Variants in NFYC observed in about 807,000 individuals in gnomAD.
NFYC encodes CAAT box DNA-binding protein subunit C.
In NFYC, 25 loss-of-function variants were observed where a neutral mutation model predicts 53.1. That is an observed-to-expected ratio of 0.47 (90% CI 0.34 to 0.66). The LOEUF (loss-of-function observed/expected upper bound fraction) is 0.66, where lower values mean the gene tolerates loss of function less well. Ranked by LOEUF, NFYC falls within the 30% of genes least tolerant of loss-of-function variation. The pLI is 0.01. For synonymous variants in NFYC, 145 were observed against 152.6 expected (o/e 0.95, Z 0.37); for missense variants, 260 against 422.7 (o/e 0.62, Z 3.38).
intron 7 of NFYC, among the ~76,000 whole-genome samples, chr1:40,765,582 T>G (rs1327341828): frequency 6.6e-6 from 1 of 152,194 alleles, no homozygotes; most frequent in Non-Finnish European, 1.5e-5. Flanking sequence ...AGCTTCCCCT[T>G]GCAACAAAGG....
At chr1:40,692,068 C>T in intron 1 of NFYC, 1 of 201,658 alleles carries the variant, frequency 5.0e-6, no homozygotes, top group Non-Finnish European at 1.1e-5. Flanking sequence ...GGTCCGTGTG[C>T]CTCGTCGGCC....
At chr1:40,737,307 CT>C (rs1395233678) in intron 1 of NFYC, among the ~76,000 whole-genome samples, 1 of 149,594 alleles carries the variant, frequency 6.7e-6, no homozygotes, top group Non-Finnish European at 1.5e-5. Flanking sequence ...TTCTAGCCCT[CT>C]TTCTCTATCC....
chr1:40,735,194 T>C (rs1190590016), intron 1 of NFYC: 1 of 151,752 alleles, frequency 6.6e-6, no homozygotes, highest in Non-Finnish European at 1.5e-5. Context: ...TTTTTTTTTT[T>C]TTCAGTCCTG....
At chr1:40,710,015 T>C (rs762955027) in intron 1 of NFYC, among the ~76,000 whole-genome samples, 4 of 152,252 alleles carry the variant, frequency 2.6e-5, no homozygotes, top group East Asian at 1.9e-4. Context: ...TTTTCAGATA[T>C]GGAAGCAACA....
chr1:40,719,647 G>T (rs1440085025), intron 1 of NFYC, among the ~76,000 whole-genome samples: 2 of 152,146 alleles, frequency 1.3e-5, no homozygotes, highest in Non-Finnish European at 2.9e-5. Flanking sequence ...TTTTTTTGGA[G>T]TACTTTTTTC....
chr1:40,734,854 C>G (rs55816138), intron 1 of NFYC: 1 of 152,188 alleles, frequency 6.6e-6, no homozygotes, highest in Non-Finnish European at 1.5e-5. Context: ...AAACCTTTTT[C>G]TCTTTTTTCC....
intron 6 of NFYC, 190 bp downstream of exon 6, chr1:40,758,484 T>C: frequency 1.6e-6 from 1 of 615,964 alleles, no homozygotes; most frequent in South Asian, 2.5e-5. Flanking sequence ...CTGGACCCTG[T>C]TTTTCTCAAA....
chr1:40,713,903 T>G (rs530873136), intron 1 of NFYC, among the ~76,000 whole-genome samples: 1 of 152,344 alleles, frequency 6.6e-6, no homozygotes, highest in African/African-American at 2.4e-5. Context: ...AGTCTTTACC[T>G]GAAGTGTGTT....
rs1471173254 is a variant in NFYC, at chr1:40,753,380, T to C, written c.387+134T>C. 3 of 587,678 alleles carry C rather than the reference T, an allele frequency of 5.1e-6. No homozygotes were observed. The African/African-American group carries it at 5.5e-5, about 11-fold the overall frequency. 36.4% of individuals were successfully genotyped at this position (587,678 alleles called of 1,614,324 possible). A position where few individuals can be genotyped will look rare whatever the true frequency, so the allele number is the denominator to read the frequency against. The stretch of plus-strand genomic sequence containing the variant: ...TCTCGTTTCTAGACCAGATTCATTC[T>C]TAACATCTCCTTCTGTTACTCATTT... On this transcript the variant is annotated intron_variant, in intron 5 of 9. Transcript: ENST00000447388.
intron 1 of NFYC, among the ~76,000 whole-genome samples, chr1:40,737,749 T>G (rs1337969876): frequency 1.3e-5 from 2 of 152,156 alleles, no homozygotes; most frequent in Non-Finnish European, 2.9e-5. Flanking sequence ...GTAGTTTCAT[T>G]TCAGGGGCTT....
chr1:40,771,398 C>T lies in NFYC; in HGVS notation c.*570C>T, dbSNP rs1014065844. The T allele has an allele frequency of 4.3e-6, 2 of 470,214 alleles. No individual in the cohort carries two copies. Among genetic ancestry groups the T allele is most frequent in the Middle Eastern group, 3.2e-4 (1 of 3,096 alleles). The allele number at this position is 470,214 out of a possible 1,614,324, so 29.1% of individuals were successfully genotyped here. A position where few individuals can be genotyped will look rare whatever the true frequency, so the allele number is the denominator to read the frequency against. On this transcript the variant is annotated 3_prime_UTR_variant, in exon 10 of 10. Coordinates refer to ENST00000447388, the MANE Select transcript of NFYC (RefSeq NM_014223.5). ...TGCATCCAGAGGCCATGGAAACATT[C>T]TTTGCATTTAAGAGACAGATTTATT...
At chr1:40,734,958 A>G (rs1248908818) in intron 1 of NFYC, 1 of 152,198 alleles carries the variant, frequency 6.6e-6, no homozygotes, top group Non-Finnish European at 1.5e-5. Flanking sequence ...GAAAAATCAT[A>G]AAGGCCATAA....
chr1:40,721,015 A>C (rs1036166206), intron 1 of NFYC, among the ~76,000 whole-genome samples: 2 of 152,176 alleles, frequency 1.3e-5, no homozygotes, highest in African/African-American at 4.8e-5. Flanking sequence ...AAACGGGGGA[A>C]AAAATAGGAG....
intron 5 of NFYC, among the ~76,000 whole-genome samples, chr1:40,756,970 C>T (rs1646260180): frequency 1.3e-5 from 2 of 152,172 alleles, no homozygotes; most frequent in Non-Finnish European, 2.9e-5. Flanking sequence ...TTGAGGGCAC[C>T]TAACATAGTG....
At chr1:40,748,458 C>T (rs538969011) in intron 3 of NFYC, among the ~76,000 whole-genome samples, 4 of 152,160 alleles carry the variant, frequency 2.6e-5, no homozygotes, top group Non-Finnish European at 5.9e-5. Flanking sequence ...GTTCTGTTCA[C>T]AGTGTAGTAT....
At chr1:40,758,481 C>G (rs1646353285) in intron 6 of NFYC, 187 bp downstream of exon 6, 1 of 619,974 alleles carries the variant, frequency 1.6e-6, no homozygotes, top group African/African-American at 1.9e-5. Flanking sequence ...TCTCTGGACC[C>G]TGTTTTTCTC....
intron 1 of NFYC, among the ~76,000 whole-genome samples, chr1:40,734,186 T>C (rs1644908679): frequency 6.6e-6 from 1 of 152,176 alleles, no homozygotes; most frequent in Non-Finnish European, 1.5e-5. Flanking sequence ...CAGCCTCCTC[T>C]TACTTTTAAA....
intron 6 of NFYC, among the ~76,000 whole-genome samples, chr1:40,761,890 G>T (rs1425130610): frequency 2.6e-5 from 4 of 152,100 alleles, no homozygotes; most frequent in Non-Finnish European, 5.9e-5. Context: ...GGGTGTACAG[G>T]TGTAGTTTAA....
intron 1 of NFYC, among the ~76,000 whole-genome samples, chr1:40,722,491 A>G (rs978993978): frequency 2.0e-5 from 3 of 152,226 alleles, no homozygotes; most frequent in South Asian, 2.1e-4. Context: ...GTAAGTCTAA[A>G]TTATAGAGAA....
Sources: gnomAD v4.1 joint callset for allele counts (sites outside exome capture counted in the v4.1 genomes callset) on GRCh38, gnomAD v4.1.1 for gene constraint, MANE v1.5 for transcripts, NCBI Gene and HGNC (gene_info 2026-07-23, HGNC 2026-07-21) for gene names.